The following CNTNAP4 variants were observed in gnomAD, a reference collection of about 807,000 sequenced individuals.
CNTNAP4 encodes the protein contactin-associated protein-like 4.
A neutral mutation model predicts 148.4 loss-of-function variants in CNTNAP4; 98 were observed. That is an observed-to-expected ratio of 0.66 (90% confidence interval 0.56 to 0.78). CNTNAP4 has a LOEUF of 0.78. Among genes scored for constraint, CNTNAP4 ranks in the 30% least tolerant of loss-of-function variants. CNTNAP4 has a pLI of 0.00. For synonymous variants in CNTNAP4, 730 were observed against 565.1 expected, an observed-to-expected ratio of 1.29 and a Z score of -4.14; for missense variants, 1,935 against 1,565.6, an observed-to-expected ratio of 1.24 and a Z score of -3.98.
At chr16:76,340,468 A>G (rs955148258) in intron 2 of CNTNAP4, among the ~76,000 whole-genome samples, 3 of 152,062 alleles carry the variant, frequency 2.0e-5, no homozygotes, top group African/African-American at 7.2e-5. Flanking sequence ...TCTGAGCACC[A>G]CCACCCAGAA....
chr16:76,323,520 T>C (rs1962647596), intron 2 of CNTNAP4, among the ~76,000 whole-genome samples: 1 of 152,202 alleles, frequency 6.6e-6, no homozygotes, highest in African/African-American at 2.4e-5. Flanking sequence ...TATGCTGATA[T>C]CTTCTATTAA....
chr16:76,299,386 A>G (rs946110652), intron 1 of CNTNAP4, among the ~76,000 whole-genome samples: 2 of 152,252 alleles, frequency 1.3e-5, no homozygotes, highest in African/African-American at 4.8e-5. Context: ...CGACAGACAC[A>G]TGAAAAAATG....
At chr16:76,489,513 C>A (rs1304305037) in intron 12 of CNTNAP4, among the ~76,000 whole-genome samples, 173 bp from the exon 13 acceptor site, 1 of 152,106 alleles carries the variant, frequency 6.6e-6, no homozygotes. Context: ...TAATCACTTA[C>A]CATAACTTAA....
At chr16:76,549,030 C>G (rs747459204) in intron 21 of CNTNAP4, among the ~76,000 whole-genome samples, 1 of 152,054 alleles carries the variant, frequency 6.6e-6, no homozygotes, top group Non-Finnish European at 1.5e-5. Flanking sequence ...TCTACCCCAC[C>G]GACGCTTCTG....
rs2084687660 is a variant in CNTNAP4 at position 76,545,669 on chromosome 16, T to A, written c.3442+4879T>A. ...GGTGCCTCAAATCTACAAACCTTCA[T>A]ACAATGATAAAACAAGAATTTCAAA... On this transcript the variant is annotated intron_variant, in intron 21 of 23. Coordinates refer to ENST00000611870, the MANE Select transcript of CNTNAP4 (RefSeq NM_033401.5). Among the ~76,000 whole-genome samples, 4 of 152,124 alleles carry A rather than the reference T, an allele frequency of 2.6e-5. No individual in the cohort carries two copies. In the South Asian group the frequency reaches 8.3e-4, roughly 31 times the overall value.
chr16:76,501,343 C>CAGGG (rs1488779091), intron 15 of CNTNAP4, among the ~76,000 whole-genome samples: 2 of 152,198 alleles, frequency 1.3e-5, no homozygotes, highest in Non-Finnish European at 2.9e-5. Context: ...CTTAACCCTG[C>CAGGG]AGGGACCCAG....
intron 21 of CNTNAP4, among the ~76,000 whole-genome samples, chr16:76,552,658 G>A (rs532985728): frequency 3.3e-5 from 5 of 152,152 alleles, no homozygotes; most frequent in South Asian, 2.1e-4. Context: ...AGACATAGGG[G>A]TATAAAGGGT....
intron 8 of CNTNAP4, among the ~76,000 whole-genome samples, chr16:76,459,737 G>A (rs1270104893): frequency 6.6e-6 from 1 of 152,102 alleles, no homozygotes; most frequent in African/African-American, 2.4e-5. Flanking sequence ...TTCTTAATTT[G>A]ATCTGCAGAA....
chr16:76,306,069 A>G (rs1014604369), intron 1 of CNTNAP4, among the ~76,000 whole-genome samples: 2 of 152,292 alleles, frequency 1.3e-5, no homozygotes, highest in African/African-American at 4.8e-5. Flanking sequence ...ACTGGTGGGC[A>G]CCTCGATTGA....
At chr16:76,523,690 C>G (rs561392449) in intron 17 of CNTNAP4, among the ~76,000 whole-genome samples, 1 of 152,140 alleles carries the variant, frequency 6.6e-6, no homozygotes, top group South Asian at 2.1e-4. Context: ...TTTTGGAGAC[C>G]AAGGTAGGAA....
chr16:76,550,400 A>G (rs898831963), intron 21 of CNTNAP4, among the ~76,000 whole-genome samples: 1 of 152,318 alleles, frequency 6.6e-6, no homozygotes, highest in East Asian at 1.9e-4. Context: ...TTTAGCGGTC[A>G]TTGGTTTTTG....
intron 10 of CNTNAP4, among the ~76,000 whole-genome samples, chr16:76,468,529 C>A (rs2081256821): frequency 6.6e-6 from 1 of 151,888 alleles, no homozygotes; most frequent in Non-Finnish European, 1.5e-5. Context: ...GCTCTGTCGC[C>A]CAAGCTAGAG....
intron 2 of CNTNAP4, among the ~76,000 whole-genome samples, chr16:76,344,971 T>C (rs1964784446): frequency 6.6e-6 from 1 of 152,204 alleles, no homozygotes; most frequent in South Asian, 2.1e-4. Context: ...GTTGGTTGGA[T>C]CTCTGTGCCA....
At chr16:76,315,761 A>AT (rs1383197002) in intron 1 of CNTNAP4, among the ~76,000 whole-genome samples, 2 of 151,686 alleles carry the variant, frequency 1.3e-5, no homozygotes, top group Admixed American at 6.6e-5. Flanking sequence ...CACCCTGCTA[A>AT]TTTTTTTATT....
At chr16:76,403,308 T>A (rs1475956137) in intron 3 of CNTNAP4, among the ~76,000 whole-genome samples, 1 of 152,086 alleles carries the variant, frequency 6.6e-6, no homozygotes, top group Non-Finnish European at 1.5e-5. Flanking sequence ...TTAGCCAGGA[T>A]GGTCTCGATC....
At chr16:76,328,720 A>T (rs988624442) in intron 2 of CNTNAP4, among the ~76,000 whole-genome samples, 1 of 151,958 alleles carries the variant, frequency 6.6e-6, no homozygotes, top group Non-Finnish European at 1.5e-5. Context: ...ATCTTGGCTC[A>T]CTGCAACCTC....
chr16:76,510,005 G>A (rs1250844217), intron 15 of CNTNAP4, among the ~76,000 whole-genome samples: 1 of 95,618 alleles, frequency 1.0e-5, no homozygotes, highest in African/African-American at 2.6e-5. Context: ...CCTTTTAAAA[G>A]TGTACAGTTC....
At chr16:76,296,583 C>T (rs148218041) in intron 1 of CNTNAP4, among the ~76,000 whole-genome samples, 1 of 151,826 alleles carries the variant, frequency 6.6e-6, no homozygotes, top group African/African-American at 2.4e-5. Flanking sequence ...GAAGTATGTT[C>T]TAGAACACAG....
chr16:76,278,523 TG>T (rs1277237774), intron 1 of CNTNAP4, among the ~76,000 whole-genome samples: 3 of 152,262 alleles, frequency 2.0e-5, no homozygotes, highest in African/African-American at 7.2e-5. Flanking sequence ...CATAATAATT[TG>T]GCAGACTCCC....
Sources: allele counts gnomAD v4.1 joint callset (sites outside exome capture counted in the v4.1 genomes callset), GRCh38; gene constraint gnomAD v4.1.1; transcripts MANE v1.5; gene names NCBI Gene and HGNC (gene_info 2026-07-23, HGNC 2026-07-21).